FGD4: variants seen among roughly 807,000 people sequenced by gnomAD.
The protein encoded by FGD4 is FYVE, RhoGEF and PH domain containing 4, also known as FYVE, RhoGEF and PH domain-containing protein 4.
In FGD4, 42 loss-of-function variants were observed where a neutral mutation model predicts 102.0. The observed-to-expected ratio is 0.41, with a 90% confidence interval of 0.32 to 0.53. The LOEUF is 0.53. FGD4 is among the 20% of genes least tolerant of loss of function. The pLI, the probability that FGD4 is intolerant of heterozygous loss-of-function variation, is 0.21. For missense variants in FGD4, 902 were observed against 1,078.2 expected (o/e 0.84, Z 2.29); for synonymous variants, 380 against 375.7 (o/e 1.01, Z -0.13).
intron 10 of FGD4, among the ~76,000 whole-genome samples, chr12:32,612,976 A>G (rs1949239654): frequency 6.6e-6 from 1 of 152,148 alleles, no homozygotes; most frequent in Admixed American, 6.5e-5. Context: ...ATGAATTTCA[A>G]TTCCTTTCTA....
Position 32,640,395 on chromosome 12 carries a change from TG to T in FGD4, c.2575del (p.Ala859GlnfsTer6). 4 of 1,614,222 alleles carry T rather than the reference TG, an allele frequency of 2.5e-6. No individual in the cohort carries two copies. Among genetic ancestry groups the T allele is most frequent in the Non-Finnish European group, 3.4e-6 (4 of 1,180,036 alleles). On this transcript the variant is annotated frameshift_variant, in exon 17 of 17. Transcript: ENST00000534526. LOFTEE classifies it high-confidence loss of function. ...TQSKSVHSFAADSEELKQKWL... is the reference protein window; with the variant it reads ...TQSKSVHSFAXDSEELKQKWL... ...AGTCTAAGTCCGTGCACAGCTTTGC[TG>T]CAGACAGTGAGGAACTGAAGCAGAA...
chr12:32,402,676 A>G (rs564163819), intron 1 of FGD4, among the ~76,000 whole-genome samples: 159 of 151,798 alleles, frequency 1.0e-3, no homozygotes, highest in African/African-American at 3.6e-3. Context: ...TACCTTTTCT[A>G]GGTGTGTTAC....
At chr12:32,593,926 G>GA (rs756221518) in intron 4 of FGD4, among the ~76,000 whole-genome samples, 50 of 152,274 alleles carry the variant, frequency 3.3e-4, no homozygotes, top group Admixed American at 1.2e-3. Flanking sequence ...CTGAATGACA[G>GA]AAACAAGACT....
chr12:32,421,490 T>C (rs938830670), intron 1 of FGD4, among the ~76,000 whole-genome samples: 5 of 152,206 alleles, frequency 3.3e-5, no homozygotes, highest in African/African-American at 1.2e-4. Context: ...TGGCTGCTCC[T>C]CCACTGAAAG....
intron 1 of FGD4, among the ~76,000 whole-genome samples, chr12:32,555,317 T>G (rs1944000778): frequency 1.3e-5 from 2 of 152,030 alleles, no homozygotes; most frequent in South Asian, 4.1e-4. Context: ...GGCAGCTACT[T>G]TTAGATAAGA....
At chr12:32,459,351 G>A (rs1017393735) in intron 1 of FGD4, among the ~76,000 whole-genome samples, 3 of 151,756 alleles carry the variant, frequency 2.0e-5, no homozygotes, top group Non-Finnish European at 4.4e-5. Context: ...GCGCCACCAC[G>A]CCTGGCTAAT....
intron 1 of FGD4, among the ~76,000 whole-genome samples, chr12:32,440,591 T>C (rs2136454426): frequency 6.6e-6 from 1 of 152,300 alleles, no homozygotes; most frequent in South Asian, 2.1e-4. Context: ...CTGTGGCCAC[T>C]ACCACTATGA....
chr12:32,599,706 G>A (rs1411760698), intron 5 of FGD4, among the ~76,000 whole-genome samples: 2 of 149,754 alleles, frequency 1.3e-5, no homozygotes, highest in African/African-American at 4.9e-5. Flanking sequence ...CACCACCCAC[G>A]CCCGGCTAAT....
At chr12:32,588,907 T>A (rs1037808817) in intron 4 of FGD4, among the ~76,000 whole-genome samples, 9 of 152,180 alleles carry the variant, frequency 5.9e-5, no homozygotes, top group African/African-American at 2.2e-4. Context: ...GCTAAAATCT[T>A]GCTTTATATG....
At chr12:32,452,608 T>C (rs1417827975) in intron 1 of FGD4, among the ~76,000 whole-genome samples, 4 of 152,248 alleles carry the variant, frequency 2.6e-5, no homozygotes, top group Non-Finnish European at 1.5e-5. Context: ...TGAATGATTT[T>C]ATTTGAGCAT....
intron 1 of FGD4, among the ~76,000 whole-genome samples, chr12:32,554,903 T>C (rs1304862639): frequency 6.6e-6 from 1 of 152,272 alleles, no homozygotes. Context: ...GTAATGGGGC[T>C]AAGGCCAGAT....
intron 1 of FGD4, among the ~76,000 whole-genome samples, chr12:32,438,968 C>T (rs911283654): frequency 6.6e-6 from 1 of 152,104 alleles, no homozygotes; most frequent in African/African-American, 2.4e-5. Context: ...TGACCAGTGT[C>T]TTCATTTTTT....
chr12:32,480,487 T>TTTTC (rs1013013263), intron 1 of FGD4, among the ~76,000 whole-genome samples: 1 of 151,252 alleles, frequency 6.6e-6, no homozygotes, highest in African/African-American at 2.4e-5. Flanking sequence ...CTCTTTTTTC[T>TTTTC]TTTCTTTCTT....
Position 32,524,299 on chromosome 12 carries a change from G to A in FGD4, c.167-39838G>A, listed in dbSNP as rs1458422020. 2.0e-5 allele frequency among the ~76,000 whole-genome samples: 3 copies of A among 150,818 alleles called. No homozygotes were observed. The East Asian group carries it at 5.9e-4, about 30-fold the overall frequency. On this transcript the variant is annotated intron_variant, in intron 1 of 16. Coordinates refer to ENST00000534526, the MANE Select transcript of FGD4 (RefSeq NM_001370298.3). ...TAGTCCCAGCTACTCGGGAGGCTGA[G>A]GCAGGAGAATTGCTTGAACCCCGGA...
At position 32,508,343 on chromosome 12, in the gene FGD4, G is replaced by T. The variant is rs192375949; in HGVS notation, c.167-55794G>T. On this transcript the variant is annotated intron_variant, in intron 1 of 16. Transcript: ENST00000534526. ...TTGGGAATAGATCTTCAGTTTTATA[G>T]TCTGAAAAGATAACTGGCAGTTTAA... Among the ~76,000 whole-genome samples the T allele has an allele frequency of 1.3e-4, 20 of 152,312 alleles. No individual in the cohort carries two copies. In the East Asian group the frequency reaches 2.3e-3, roughly 18 times the overall value.
chr12:32,428,608 C>T (rs562050395), intron 1 of FGD4, among the ~76,000 whole-genome samples: 2 of 152,204 alleles, frequency 1.3e-5, no homozygotes, highest in African/African-American at 4.8e-5. Flanking sequence ...TGAATGTTGG[C>T]CTGCCTTGCT....
At chr12:32,561,746 TA>T (rs1409450400) in intron 1 of FGD4, among the ~76,000 whole-genome samples, 5 of 152,246 alleles carry the variant, frequency 3.3e-5, no homozygotes, top group African/African-American at 1.2e-4. Context: ...ATGACTTCTT[TA>T]AAAGTCTCTG....
At chr12:32,494,263 G>A (rs1174085166) in intron 1 of FGD4, among the ~76,000 whole-genome samples, 1 of 152,044 alleles carries the variant, frequency 6.6e-6, no homozygotes, top group Non-Finnish European at 1.5e-5. Flanking sequence ...ATGTTGTCCA[G>A]GCTAGTCTTG....
At chr12:32,570,530 C>G (rs1203528539) in intron 2 of FGD4, among the ~76,000 whole-genome samples, 1 of 151,924 alleles carries the variant, frequency 6.6e-6, no homozygotes, top group Non-Finnish European at 1.5e-5. Flanking sequence ...CAACCTCCAC[C>G]TCCCAGGTTC....
Sources: allele counts gnomAD v4.1 joint callset (sites outside exome capture counted in the v4.1 genomes callset), GRCh38; gene constraint gnomAD v4.1.1; transcripts MANE v1.5; gene names NCBI Gene and HGNC (gene_info 2026-07-23, HGNC 2026-07-21).